The following TUBD1 variants were observed in gnomAD, a reference collection of about 807,000 sequenced individuals.
The protein encoded by TUBD1 is tubulin delta 1, also known as tubulin delta chain.
Under a neutral mutation model 51.2 loss-of-function variants are expected in TUBD1, and 38 were observed. The ratio of observed to expected loss-of-function variants is 0.74; its 90% CI spans 0.57 to 0.97. TUBD1 has a LOEUF of 0.97. TUBD1 is among the 50% of genes least tolerant of loss of function. The pLI is 0.00. For missense variants in TUBD1, 489 were observed against 538.4 expected, an observed-to-expected ratio of 0.91 and a Z score of 0.91; for synonymous variants, 169 against 178.2, an observed-to-expected ratio of 0.95 and a Z score of 0.41.
At chr17:59,881,461 G>A (rs904615817) in intron 3 of TUBD1, among the ~76,000 whole-genome samples, 1 of 152,100 alleles carries the variant, frequency 6.6e-6, no homozygotes, top group African/African-American at 2.4e-5. Context: ...GCTAGCAGAG[G>A]GAATTTACAG....
At chr17:59,885,935 T>C in intron 3 of TUBD1, 148 bp downstream of exon 3, 1 of 863,654 alleles carries the variant, frequency 1.2e-6, no homozygotes, top group South Asian at 1.9e-5. Flanking sequence ...GAATGAAAGT[T>C]TCTTCTGGGT....
At chr17:59,878,504 TTTG>T (rs2040329708) in intron 4 of TUBD1, 170 bp from the exon 5 acceptor site, 1 of 564,264 alleles carries the variant, frequency 1.8e-6, no homozygotes. Flanking sequence ...TTTTTTTTTT[TTTG>T]AGATAGAGAC....
chr17:59,888,179 C>G (rs1297224729), intron 2 of TUBD1, among the ~76,000 whole-genome samples: 1 of 152,138 alleles, frequency 6.6e-6, no homozygotes, highest in Non-Finnish European at 1.5e-5. Context: ...TCATGATTCG[C>G]CCGCCTCGAC....
At chr17:59,874,494 A>AT (rs765249031) in intron 6 of TUBD1, 45 bp downstream of exon 6, 4 of 1,590,102 alleles carry the variant, frequency 2.5e-6, no homozygotes, top group Non-Finnish European at 3.4e-6. Flanking sequence ...CAGGACAGAC[A>AT]TTTTTTCCAG....
At chr17:59,861,959 C>T (rs2039470749) in intron 8 of TUBD1, among the ~76,000 whole-genome samples, 1 of 151,454 alleles carries the variant, frequency 6.6e-6, no homozygotes, top group African/African-American at 2.4e-5. Flanking sequence ...AGCCACTGCA[C>T]CCAGCCTGAG....
At chr17:59,878,068 G>A in intron 5 of TUBD1, 35 bp downstream of exon 5, 1 of 1,536,706 alleles carries the variant, frequency 6.5e-7, no homozygotes, top group Non-Finnish European at 9.0e-7. Context: ...AGAACATAAG[G>A]CTTTCCTATA....
intron 7 of TUBD1, among the ~76,000 whole-genome samples, chr17:59,865,542 T>C (rs2039657176): frequency 1.3e-5 from 2 of 152,134 alleles, no homozygotes; most frequent in South Asian, 4.1e-4. Flanking sequence ...ATTACACCAC[T>C]GCACTCCAGC....
chr17:59,865,423 T>A (rs983676335), intron 7 of TUBD1, among the ~76,000 whole-genome samples: 2 of 151,770 alleles, frequency 1.3e-5, no homozygotes, highest in African/African-American at 4.8e-5. Flanking sequence ...CTACTAAAAA[T>A]AAAAAAATCA....
At position 59,860,443 on chromosome 17, in the gene TUBD1, A is replaced by C. The variant is rs754154753; in HGVS notation, c.1260-19T>G. 3.9e-5 allele frequency: 58 copies of C among 1,502,812 alleles called. No homozygotes were observed. Among genetic ancestry groups the C allele is most frequent in the Admixed American group, 6.0e-5 (3 of 50,134 alleles). The allele number at this position is 1,502,812 out of a possible 1,614,324, so 93.1% of individuals were successfully genotyped here. On this transcript the variant is annotated intron_variant, in intron 8 of 8. Transcript: ENST00000325752. Reference sequence around the variant, plus strand: ...GTAGGCTCTGGTAGAAAAAAAAAAAAAACAGAAATTACAAAATAAAAAATG... The same window carrying C: ...GTAGGCTCTGGTAGAAAAAAAAAAACAACAGAAATTACAAAATAAAAAATG...
intron 6 of TUBD1, among the ~76,000 whole-genome samples, chr17:59,873,117 T>G (rs1449534152): frequency 6.6e-6 from 1 of 152,056 alleles, no homozygotes. Flanking sequence ...AGTAAGACAT[T>G]TATAACTATG....
intron 3 of TUBD1, among the ~76,000 whole-genome samples, chr17:59,882,719 A>T (rs934387515): frequency 1.3e-5 from 2 of 152,016 alleles, no homozygotes; most frequent in East Asian, 3.8e-4. Flanking sequence ...GGCTCAAAAA[A>T]TTATCCCATC....
chr17:59,887,483 G>A (rs1209170566), intron 2 of TUBD1, among the ~76,000 whole-genome samples: 1 of 152,066 alleles, frequency 6.6e-6, no homozygotes, highest in African/African-American at 2.4e-5. Flanking sequence ...GAGGTACAAA[G>A]TACCATGGGT....
At chr17:59,863,484 C>CTACA (rs2039555949) in intron 8 of TUBD1, among the ~76,000 whole-genome samples, 180 bp downstream of exon 8, 1 of 152,022 alleles carries the variant, frequency 6.6e-6, no homozygotes. Flanking sequence ...TGGTAGGCGC[C>CTACA]TGTAATCCCA....
intron 6 of TUBD1, among the ~76,000 whole-genome samples, chr17:59,872,115 C>T (rs1374658439): frequency 1.3e-5 from 2 of 151,968 alleles, no homozygotes; most frequent in African/African-American, 2.4e-5. Context: ...CATCACGCCT[C>T]GCTAATTTTT....
chr17:59,864,370 T>G (rs913986921), intron 7 of TUBD1, among the ~76,000 whole-genome samples: 4 of 152,014 alleles, frequency 2.6e-5, no homozygotes, highest in African/African-American at 9.7e-5. Flanking sequence ...GGTCTCGAAC[T>G]CCTGGCCTCA....
intron 6 of TUBD1, among the ~76,000 whole-genome samples, chr17:59,870,372 C>CAAAAAAAAAA (rs530315478): frequency 9.0e-5 from 7 of 77,964 alleles, no homozygotes; most frequent in Admixed American, 3.1e-4. Context: ...CTCCATCTCA[C>CAAAAAAAAAA]AAAAAAAAAA....
intron 6 of TUBD1, among the ~76,000 whole-genome samples, chr17:59,868,416 C>T (rs1230183088): frequency 6.6e-6 from 1 of 151,884 alleles, no homozygotes; most frequent in Non-Finnish European, 1.5e-5. Flanking sequence ...TACGTAGAGG[C>T]CAGGCGCGGT....
chr17:59,868,482 A>G (rs2039819960), intron 6 of TUBD1, among the ~76,000 whole-genome samples: 1 of 151,668 alleles, frequency 6.6e-6, no homozygotes, highest in South Asian at 2.1e-4. Context: ...GATCACTTGA[A>G]ACCAGGAGTT....
chr17:59,873,248 TTTG>T (rs150913471), intron 6 of TUBD1, among the ~76,000 whole-genome samples: 2 of 104,556 alleles, frequency 1.9e-5, no homozygotes, highest in Non-Finnish European at 4.5e-5. Context: ...TAAGTTGTTT[TTTG>T]TTGTTGTTTT....
Sources: gnomAD v4.1 joint callset for allele counts (sites outside exome capture counted in the v4.1 genomes callset) on GRCh38, gnomAD v4.1.1 for gene constraint, MANE v1.5 for transcripts, NCBI Gene and HGNC (gene_info 2026-07-23, HGNC 2026-07-21) for gene names.